INPP4B: variants seen among roughly 807,000 people sequenced by gnomAD.
INPP4B encodes the protein inositol polyphosphate 4-phosphatase type II.
Under a neutral mutation model 122.5 loss-of-function variants are expected in INPP4B, and 55 were observed. That is an observed-to-expected ratio of 0.45 (90% CI 0.36 to 0.56). The LOEUF (loss-of-function observed/expected upper bound fraction) is 0.56. Among genes scored for constraint, INPP4B ranks in the 20% least tolerant of loss-of-function variants. The probability of loss-of-function intolerance (pLI) is 0.00; values close to 1 mark genes in which losing one functional copy is unlikely to be tolerated. For synonymous variants in INPP4B, 403 were observed against 388.7 expected, an observed-to-expected ratio of 1.04 and a Z score of -0.43; for missense variants, 1,000 against 1,097.7, an observed-to-expected ratio of 0.91 and a Z score of 1.26.
chr4:142,625,170 T>G (rs1335485321), intron 2 of INPP4B, among the ~76,000 whole-genome samples: 1 of 151,410 alleles, frequency 6.6e-6, no homozygotes, highest in African/African-American at 2.4e-5. Context: ...GGTATTCAAT[T>G]AGGAAAAGAG....
intron 1 of INPP4B, among the ~76,000 whole-genome samples, chr4:142,822,624 C>T (rs1162604144): frequency 2.6e-5 from 4 of 152,100 alleles, no homozygotes; most frequent in Non-Finnish European, 4.4e-5. Flanking sequence ...TACACCACCC[C>T]GACTCCATCC....
intron 2 of INPP4B, among the ~76,000 whole-genome samples, chr4:142,662,649 G>C (rs1286101542): frequency 6.6e-6 from 1 of 152,178 alleles, no homozygotes; most frequent in African/African-American, 2.4e-5. Flanking sequence ...AGAGGCACCA[G>C]AGTATGGTGG....
chr4:142,141,166 G>A (rs946602000), intron 18 of INPP4B, among the ~76,000 whole-genome samples: 1 of 152,164 alleles, frequency 6.6e-6, no homozygotes, highest in Non-Finnish European at 1.5e-5. Context: ...ATTATATCTG[G>A]ACCAGTGGGT....
At chr4:142,280,896 G>A (rs1452851892) in intron 9 of INPP4B, among the ~76,000 whole-genome samples, 1 of 151,804 alleles carries the variant, frequency 6.6e-6, no homozygotes, top group Non-Finnish European at 1.5e-5. Context: ...AATATCTAAA[G>A]ACATTAGAAA....
chr4:142,482,694 A>C (rs1220388828), intron 2 of INPP4B, among the ~76,000 whole-genome samples: 1 of 152,134 alleles, frequency 6.6e-6, no homozygotes, highest in Non-Finnish European at 1.5e-5. Context: ...AAACCAGAGG[A>C]GTAAGTCATA....
chr4:142,082,684 A>G (rs1047444627), intron 24 of INPP4B, among the ~76,000 whole-genome samples: 1 of 152,214 alleles, frequency 6.6e-6, no homozygotes, highest in Non-Finnish European at 1.5e-5. Flanking sequence ...ATGAGATTTT[A>G]AACATCCTCA....
chr4:142,114,910 C>T (rs12508643), intron 21 of INPP4B, among the ~76,000 whole-genome samples: 20,123 of 151,664 alleles, frequency 0.13, 1,500 homozygotes, highest in East Asian at 0.24. Context: ...ATAAAAACCT[C>T]GAAAAAAGAT....
At chr4:142,310,140 T>C (rs1472914042) in intron 8 of INPP4B, among the ~76,000 whole-genome samples, 3 of 151,898 alleles carry the variant, frequency 2.0e-5, no homozygotes, top group African/African-American at 4.8e-5. Flanking sequence ...TTTTTTTTTA[T>C]ATTACAATTT....
chr4:142,454,184 C>G (rs1188590479), intron 3 of INPP4B, among the ~76,000 whole-genome samples: 2 of 152,004 alleles, frequency 1.3e-5, no homozygotes, highest in Non-Finnish European at 2.9e-5. Context: ...TGTTTTGACC[C>G]TACGTGTCAG....
intron 23 of INPP4B, 24 bp downstream of exon 23, chr4:142,108,069 G>T: frequency 2.6e-6 from 3 of 1,173,902 alleles, no homozygotes; most frequent in Non-Finnish European, 3.8e-6. Context: ...TATTATTGCT[G>T]TCTTCTCTAA....
At chr4:142,727,099 A>G (rs905760300) in intron 1 of INPP4B, among the ~76,000 whole-genome samples, 1 of 152,146 alleles carries the variant, frequency 6.6e-6, no homozygotes. Flanking sequence ...TATTTTGTTT[A>G]TTTATTAATT....
intron 9 of INPP4B, among the ~76,000 whole-genome samples, chr4:142,283,894 T>C (rs1218188791): frequency 6.6e-6 from 1 of 152,014 alleles, no homozygotes; most frequent in Non-Finnish European, 1.5e-5. Context: ...TTATAGGTGA[T>C]AGTGATGAGG....
chr4:142,054,833 A>T (rs1756734479), intron 25 of INPP4B, among the ~76,000 whole-genome samples: 1 of 150,356 alleles, frequency 6.7e-6, no homozygotes, highest in Non-Finnish European at 1.5e-5. Context: ...GTTAATCTTT[A>T]TTATGTACTG....
At chr4:142,225,813 G>A (rs1221768897) in intron 12 of INPP4B, among the ~76,000 whole-genome samples, 2 of 152,010 alleles carry the variant, frequency 1.3e-5, no homozygotes, top group Non-Finnish European at 2.9e-5. Context: ...AATATTTCTA[G>A]GTGTTACTTT....
intron 10 of INPP4B, among the ~76,000 whole-genome samples, chr4:142,263,639 AATATATAT>A (rs36227189): frequency 0.019 from 774 of 41,832 alleles, 28 homozygotes; most frequent in African/African-American, 0.03. Context: ...AAATTCGTAA[AATATATAT>A]ATATATATAT....
At chr4:142,640,061 A>G (rs887464691) in intron 2 of INPP4B, among the ~76,000 whole-genome samples, 1 of 152,184 alleles carries the variant, frequency 6.6e-6, no homozygotes, top group African/African-American at 2.4e-5. Context: ...CCTCATAGGA[A>G]TACTAACCTA....
At chr4:142,837,847 A>C (rs749207884) in intron 1 of INPP4B, among the ~76,000 whole-genome samples, 1 of 152,166 alleles carries the variant, frequency 6.6e-6, no homozygotes, top group Non-Finnish European at 1.5e-5. Flanking sequence ...TAATGAGAAA[A>C]ATAGACAAGG....
chr4:142,670,728 A>C (rs1177578384), intron 2 of INPP4B, among the ~76,000 whole-genome samples: 1 of 152,178 alleles, frequency 6.6e-6, no homozygotes, highest in Non-Finnish European at 1.5e-5. Flanking sequence ...TCAAGAGATC[A>C]TTACACAACA....
intron 2 of INPP4B, among the ~76,000 whole-genome samples, chr4:142,480,728 G>T (rs999906070): frequency 6.6e-6 from 1 of 152,114 alleles, no homozygotes; most frequent in Non-Finnish European, 1.5e-5. Flanking sequence ...TAGTAAAATT[G>T]GCATCTAAAA....
Sources: allele counts gnomAD v4.1 joint callset (sites outside exome capture counted in the v4.1 genomes callset), GRCh38; gene constraint gnomAD v4.1.1; transcripts MANE v1.5; gene names NCBI Gene and HGNC (gene_info 2026-07-23, HGNC 2026-07-21).